Variants in CD34 observed in about 807,000 individuals in gnomAD.
CD34 encodes hematopoietic progenitor cell antigen CD34.
CD34 carries 34 observed loss-of-function variants against 40.1 expected under a neutral mutation model. That is an observed-to-expected ratio of 0.85 (90% CI 0.65 to 1.13). The LOEUF is 1.13. CD34 is among the 50% of genes most tolerant of loss of function. CD34 has a pLI of 0.00. For missense variants in CD34, 426 were observed against 466.9 expected (o/e 0.91, Z 0.81); for synonymous variants, 209 against 190.0 (o/e 1.10, Z -0.82).
At chr1:207,890,526 G>A (rs955479076) in intron 4 of CD34, 8 of 152,394 alleles carry the variant, frequency 5.2e-5, no homozygotes, top group South Asian at 2.1e-4. Context: ...GGGCAGGGCC[G>A]CTGCTTGCAA....
Position 207,893,710 on chromosome 1 carries a change from A to C in CD34, c.597+3783T>G, listed in dbSNP as rs118114295. On this transcript the variant is annotated intron_variant, in intron 4 of 7. Transcript: ENST00000310833. ...CTAGCTGAGTAATTACAAACTCTGCATATAAACAGATGTGGTACTAAAGAT... is the reference window on the plus strand; with the variant it reads ...CTAGCTGAGTAATTACAAACTCTGCCTATAAACAGATGTGGTACTAAAGAT... Among the ~76,000 whole-genome samples, 56 of 152,364 alleles carry C rather than the reference A, an allele frequency of 3.7e-4. No individual in the cohort carries two copies. The East Asian group carries it at 9.8e-3, about 27-fold the overall frequency.
intron 6 of CD34, 25 bp from the exon 7 acceptor site, chr1:207,888,871 C>T (rs2102294924): frequency 6.2e-7 from 1 of 1,611,382 alleles, no homozygotes. Flanking sequence ...AAAGAAGATA[C>T]AGCCTGTCAC....
chr1:207,897,133 G>A (rs1393997468), intron 4 of CD34, among the ~76,000 whole-genome samples: 2 of 152,062 alleles, frequency 1.3e-5, no homozygotes, highest in African/African-American at 4.8e-5. Flanking sequence ...TATATCTGGT[G>A]AGTGAGAAGG....
chr1:207,891,765 T>C (rs1435385046), intron 4 of CD34, among the ~76,000 whole-genome samples: 1 of 149,850 alleles, frequency 6.7e-6, no homozygotes, highest in Non-Finnish European at 1.5e-5. Flanking sequence ...ACCTACGAGA[T>C]TGGTAGAGTT....
chr1:207,897,681 T>C, intron 3 of CD34, 108 bp from the exon 4 acceptor site: 8 of 806,234 alleles, frequency 9.9e-6, no homozygotes, highest in Non-Finnish European at 1.7e-5. Context: ...GGTGCTCTCT[T>C]AGGAGGTTTT....
rs569854488 is a variant in CD34, at chr1:207,895,968, C to T, written c.597+1525G>A. Among the ~76,000 whole-genome samples the T allele has an allele frequency of 7.9e-5, 12 of 152,276 alleles. No individual in the cohort carries two copies. In the South Asian group the frequency reaches 2.5e-3, roughly 32 times the overall value. On this transcript the variant is annotated intron_variant, in intron 4 of 7. Coordinates refer to ENST00000310833, the MANE Select transcript of CD34 (RefSeq NM_001025109.2). Reference sequence around the variant, plus strand: ...TTGCAGACTGCATTTAGTTATTCTACTATGCAAACTCATGTCTTCACTATT... The same window carrying T: ...TTGCAGACTGCATTTAGTTATTCTATTATGCAAACTCATGTCTTCACTATT...
rs1661861019 is a variant in CD34, at chr1:207,884,409, C to T, written c.*3329G>A. The T allele has an allele frequency of 6.6e-6, 1 of 152,368 alleles. No individual in the cohort carries two copies. Among genetic ancestry groups the T allele is most frequent in the East Asian group, 1.9e-4 (1 of 5,188 alleles). 9.4% of individuals were successfully genotyped at this position (152,368 alleles called of 1,614,324 possible). On this transcript the variant is annotated 3_prime_UTR_variant, in exon 8 of 8. Transcript: ENST00000310833. ...CATGAGTGTTTGCTGTATCCCCAGT[C>T]TCAAGAACAGTGTCTGGCACATAAC...
intron 1 of CD34, among the ~76,000 whole-genome samples, chr1:207,910,226 A>C (rs998758254): frequency 1.3e-5 from 2 of 152,112 alleles, no homozygotes; most frequent in Non-Finnish European, 2.9e-5. Flanking sequence ...TAGAACTTGG[A>C]GCAGGGGCAG....
chr1:207,906,224 T>C (rs1662378033), intron 1 of CD34, among the ~76,000 whole-genome samples: 1 of 152,188 alleles, frequency 6.6e-6, no homozygotes, highest in African/African-American at 2.4e-5. Flanking sequence ...GAATTAGAAC[T>C]AATGATTAGA....
intron 4 of CD34, 94 bp from the exon 5 acceptor site, chr1:207,889,715 C>T: frequency 6.2e-7 from 1 of 1,604,630 alleles, no homozygotes; most frequent in African/African-American, 1.3e-5. Flanking sequence ...ATACTCTTAC[C>T]CCGTCCGCAA....
chr1:207,887,632 G>C lies in CD34; in HGVS notation c.*106C>G. 3.3e-6 allele frequency: 5 copies of C among 1,498,506 alleles called. No homozygotes were observed. Among genetic ancestry groups the C allele is most frequent in the Non-Finnish European group, 4.5e-6 (5 of 1,106,974 alleles). The allele number at this position is 1,498,506 out of a possible 1,614,324, so 92.8% of individuals were successfully genotyped here. A position where few individuals can be genotyped will look rare whatever the true frequency, so the allele number is the denominator to read the frequency against. Reference sequence around the variant, plus strand: ...CCTCTGAGGTGTGTGCAGTGGGGAAGGGTTGGGCGTAAGAGATGTCACCTC... The same window carrying C: ...CCTCTGAGGTGTGTGCAGTGGGGAACGGTTGGGCGTAAGAGATGTCACCTC... On this transcript the variant is annotated 3_prime_UTR_variant, in exon 8 of 8. Coordinates refer to ENST00000310833, the MANE Select transcript of CD34 (RefSeq NM_001025109.2).
intron 1 of CD34, among the ~76,000 whole-genome samples, chr1:207,902,822 G>A (rs1662300330): frequency 2.0e-5 from 3 of 152,310 alleles, no homozygotes; most frequent in Admixed American, 2.0e-4. Flanking sequence ...TTCCAGAAGA[G>A]CAAAGCAACT....
In CD34 at chr1:207,897,478, G is replaced by T. The variant is rs3738461; in HGVS notation, c.597+15C>A. 2.9e-5 allele frequency: 44 copies of T among 1,541,900 alleles called. No individual in the cohort carries two copies. The highest frequency in any genetic ancestry group is 1.2e-4 in the East Asian group (5 of 41,372). The stretch of plus-strand genomic sequence containing the variant: ...CAGGGGCGGGAGGAAGAGGTTGGGT[G>T]GGGGGTTGACTTACACAGCTGGAGG... On this transcript the variant is annotated intron_variant, in intron 4 of 7. Transcript: ENST00000310833.
At position 207,882,274 on chromosome 1, in the gene CD34, A is replaced by T. The variant is rs1405266217; in HGVS notation, c.*5464T>A. 6.6e-6 allele frequency: 1 copy of T among 152,304 alleles called. No homozygotes were observed. The highest frequency in any genetic ancestry group is 1.5e-5 in the Non-Finnish European group (1 of 68,078). The allele number at this position is 152,304 out of a possible 1,614,324, so 9.4% of individuals were successfully genotyped here. A position where few individuals can be genotyped will look rare whatever the true frequency, so the allele number is the denominator to read the frequency against. ...GAAGCCTGAACTTCTAACCTGGGCC[A>T]GCAATAATGAGGTACCCCCTTCACC... On this transcript the variant is annotated 3_prime_UTR_variant, in exon 8 of 8. Transcript: ENST00000310833.
At chr1:207,900,184 A>G (rs2102302732) in intron 1 of CD34, among the ~76,000 whole-genome samples, 181 bp from the exon 2 acceptor site, 1 of 152,320 alleles carries the variant, frequency 6.6e-6, no homozygotes, top group South Asian at 2.1e-4. Flanking sequence ...ATTTGCCCTG[A>G]GGACATAGGG....
chr1:207,902,872 C>T (rs12727434), intron 1 of CD34, among the ~76,000 whole-genome samples: 19,836 of 152,160 alleles, frequency 0.13, 1,307 homozygotes, highest in African/African-American at 0.15. Context: ...GGGCCAGGCT[C>T]GCAGCTGCAG....
chr1:207,885,286 GTGGGAAA>G lies in CD34; in HGVS notation c.*2445_*2451del. 6.6e-6 allele frequency: 1 copy of G among 152,320 alleles called. No homozygotes were observed. The highest frequency in any genetic ancestry group is 6.5e-5 in the Admixed American group (1 of 15,292). The allele number at this position is 152,320 out of a possible 1,614,324, so 9.4% of individuals were successfully genotyped here. ...CTGTACCAGGACGCTCAGGCCCACG[GTGGGAAA>G]GTTGGATTTTTCCAGAAAGCAGGCA... On this transcript the variant is annotated 3_prime_UTR_variant, in exon 8 of 8. Coordinates refer to ENST00000310833, the MANE Select transcript of CD34 (RefSeq NM_001025109.2).
rs1217718397 is a variant in CD34 at position 207,881,920 on chromosome 1, T to A, written c.*5818A>T. 2 of 152,218 alleles carry A rather than the reference T, an allele frequency of 1.3e-5. No individual in the cohort carries two copies. The highest frequency in any genetic ancestry group is 2.9e-5 in the Non-Finnish European group (2 of 68,040). The allele number at this position is 152,218 out of a possible 1,614,324, so 9.4% of individuals were successfully genotyped here. A position where few individuals can be genotyped will look rare whatever the true frequency, so the allele number is the denominator to read the frequency against. On this transcript the variant is annotated 3_prime_UTR_variant, in exon 8 of 8. Coordinates refer to ENST00000310833, the MANE Select transcript of CD34 (RefSeq NM_001025109.2). ...TAATTGATAGATGTAACTTTCAAAA[T>A]CAAAAGCTCTTTGAAGTTCTAAATT... is the stretch of plus-strand genomic sequence containing the variant.
rs2102291488 is a variant in CD34 at position 207,883,126 on chromosome 1, A to G, written c.*4612T>C. ...TAAACTCTGTGGTTTAGCTTTAAAC[A>G]CCCTACACAAACTGTGACACCCGGA... On this transcript the variant is annotated 3_prime_UTR_variant, in exon 8 of 8. Transcript: ENST00000310833. 6.6e-6 allele frequency: 1 copy of G among 152,240 alleles called. No individual in the cohort carries two copies. The highest frequency in any genetic ancestry group is 3.4e-3 in the Middle Eastern group (1 of 294). 9.4% of individuals were successfully genotyped at this position (152,240 alleles called of 1,614,324 possible).
Sources: gnomAD v4.1 joint callset for allele counts (sites outside exome capture counted in the v4.1 genomes callset) on GRCh38, gnomAD v4.1.1 for gene constraint, MANE v1.5 for transcripts, NCBI Gene and HGNC (gene_info 2026-07-23, HGNC 2026-07-21) for gene names.